Variants in HTT observed in about 807,000 individuals in gnomAD.
HTT encodes the protein huntingtin, also known as huntington disease protein.
In HTT, 104 loss-of-function variants were observed where a neutral mutation model predicts 362.3. The ratio of observed to expected loss-of-function variants is 0.29; its 90% CI spans 0.24 to 0.34. HTT has a LOEUF of 0.34. HTT is among the 10% of genes least tolerant of loss of function. The pLI is 1.00. For missense variants in HTT, 3,301 were observed against 3,928.6 expected (o/e 0.84, Z 4.27); for synonymous variants, 1,577 against 1,548.7 (o/e 1.02, Z -0.43).
rs1384645282 is a variant in HTT at position 3,199,820 on chromosome 4, C to T, written c.5457C>T (p.Asn1819=). ...GTTTCTACACCCTGGACAGCTTGAA[C>T]TTGCGGGCTCGTTCCATGATCACCA... ...GGSFYTLDSL[N]LRARSMITTH... is the part of the protein sequence containing the mutation. The change falls in exon 41 of 67, where the codon AAC becomes AAT. Residue 1819 remains asparagine, a synonymous_variant. Coordinates refer to ENST00000355072, the MANE Select transcript of HTT (RefSeq NM_001388492.1). 1 of 1,614,222 alleles carries T rather than the reference C, an allele frequency of 6.2e-7. No homozygotes were observed. The highest frequency in any genetic ancestry group is 8.5e-7 in the Non-Finnish European group (1 of 1,180,040).
chr4:3,199,960 A>G, intron 41 of HTT, 21 bp downstream of exon 41: 1 of 1,594,686 alleles, frequency 6.3e-7, no homozygotes, highest in East Asian at 2.3e-5. Flanking sequence ...AATGCCCCAC[A>G]GCCCAGGGCG....
chr4:3,096,851 G>T (rs546052553), intron 2 of HTT, among the ~76,000 whole-genome samples: 1 of 152,364 alleles, frequency 6.6e-6, no homozygotes, highest in East Asian at 1.9e-4. Context: ...AGGTACGGTG[G>T]CTTATGCCTG....
At chr4:3,095,890 TA>T (rs1004895370) in intron 2 of HTT, among the ~76,000 whole-genome samples, 28 of 152,234 alleles carry the variant, frequency 1.8e-4, no homozygotes, top group Non-Finnish European at 1.6e-4. Flanking sequence ...GATTTCAACC[TA>T]ACTATGTCAA....
At chr4:3,192,947 C>T (rs904789516) in intron 40 of HTT, among the ~76,000 whole-genome samples, 5 of 152,214 alleles carry the variant, frequency 3.3e-5, no homozygotes, top group Non-Finnish European at 7.3e-5. Flanking sequence ...CCAGTCAGTG[C>T]GTCAGTATCA....
In HTT at chr4:3,240,501, G is replaced by T. The variant is rs946205725; in HGVS notation, c.*442G>T. The T allele has an allele frequency of 2.3e-5, 5 of 216,552 alleles. No homozygotes were observed. Among genetic ancestry groups the T allele is most frequent in the South Asian group, 2.2e-4 (3 of 13,342 alleles). The allele number at this position is 216,552 out of a possible 1,614,324, so 13.4% of individuals were successfully genotyped here. On this transcript the variant is annotated 3_prime_UTR_variant, in exon 67 of 67. Transcript: ENST00000355072. Reference sequence around the variant, plus strand: ...CACTGGCCTGGGTCTCCCTGGTGGGGTGTGCATGCCACGCCCCGTGTCTGG... The same window carrying T: ...CACTGGCCTGGGTCTCCCTGGTGGGTTGTGCATGCCACGCCCCGTGTCTGG...
At chr4:3,142,723 T>C in intron 22 of HTT, 43 bp from the exon 23 acceptor site, 1 of 1,009,610 alleles carries the variant, frequency 9.9e-7, no homozygotes, top group Non-Finnish European at 1.5e-6. Context: ...TAAAAATATA[T>C]GTTTTAATAG....
At chr4:3,239,352 C>A (rs913063269) in intron 66 of HTT, among the ~76,000 whole-genome samples, 1 of 152,204 alleles carries the variant, frequency 6.6e-6, no homozygotes, top group African/African-American at 2.4e-5. Context: ...CATTGTGCCT[C>A]GATCGCCCTC....
chr4:3,233,358 G>T lies in HTT; in HGVS notation c.8456+5G>T. The stretch of plus-strand genomic sequence containing the variant: ...CAACCTGAAAGGGATCGCCCAGTGA[G>T]TGGGAGCCTGGCTGGGGCTGGGGCG... On this transcript the variant is annotated splice_donor_5th_base_variant and intron_variant, in intron 61 of 66. Transcript: ENST00000355072. 1 of 1,589,162 alleles carries T rather than the reference G, an allele frequency of 6.3e-7. No homozygotes were observed. The highest frequency in any genetic ancestry group is 8.6e-7 in the Non-Finnish European group (1 of 1,160,084).
intron 1 of HTT, among the ~76,000 whole-genome samples, chr4:3,079,249 T>TC (rs1278357365): frequency 6.7e-6 from 1 of 148,720 alleles, no homozygotes; most frequent in Non-Finnish European, 1.5e-5. Flanking sequence ...GAAGACAGCT[T>TC]TTTTTTTTTT....
chr4:3,229,335 T>C (rs1436802018), intron 59 of HTT, among the ~76,000 whole-genome samples: 3 of 116,926 alleles, frequency 2.6e-5, no homozygotes, highest in East Asian at 2.9e-4. Flanking sequence ...ACACACCACA[T>C]GCACCACACC....
chr4:3,122,268 C>T (rs185790130), intron 9 of HTT, among the ~76,000 whole-genome samples: 4 of 152,340 alleles, frequency 2.6e-5, no homozygotes, highest in Admixed American at 2.6e-4. Flanking sequence ...AGCTGGATCC[C>T]AGCCTCTACC....
At chr4:3,236,573 G>A (rs548567584) in intron 64 of HTT, among the ~76,000 whole-genome samples, 2 of 152,198 alleles carry the variant, frequency 1.3e-5, no homozygotes, top group African/African-American at 2.4e-5. Flanking sequence ...CTCTGGGAGG[G>A]TGGGGCAGAA....
intron 2 of HTT, among the ~76,000 whole-genome samples, chr4:3,097,369 C>T (rs373750699): frequency 4.6e-5 from 7 of 151,976 alleles, no homozygotes; most frequent in African/African-American, 1.2e-4. Flanking sequence ...TGGTGGTTCA[C>T]GCCTGTAATC....
rs570565498 is a variant in HTT, at chr4:3,225,704, C to T, written c.7809C>T (p.Pro2603=). The part of the protein sequence containing the change: ...SHEKLLLQIN[P]ERELGSMSYK... ...AGAAGCTGCTGCTACAGATCAACCC[C>T]GAGCGGGAGCTGGGGAGCATGAGCT... Residue 2603 remains proline, a synonymous_variant, in exon 57 of 67, where the codon CCC becomes CCT. Transcript: ENST00000355072. 9.5e-5 allele frequency: 154 copies of T among 1,614,098 alleles called. 1 individual carries two copies. Among genetic ancestry groups the T allele is most frequent in the Admixed American group, 1.3e-4 (8 of 60,028 alleles).
intron 5 of HTT, 43 bp downstream of exon 5, chr4:3,105,479 C>A: frequency 8.0e-7 from 1 of 1,244,438 alleles, no homozygotes; most frequent in Non-Finnish European, 1.2e-6. Flanking sequence ...CGGGGGCCAG[C>A]TGCTACTGAT....
intron 5 of HTT, among the ~76,000 whole-genome samples, chr4:3,106,794 T>A (rs933950105): frequency 6.6e-6 from 1 of 152,180 alleles, no homozygotes; most frequent in Non-Finnish European, 1.5e-5. Context: ...AGGGCAGGGC[T>A]GCACCACTCC....
At chr4:3,178,503 T>TC in intron 35 of HTT, 57 bp downstream of exon 35, 1 of 1,508,842 alleles carries the variant, frequency 6.6e-7, no homozygotes, top group Non-Finnish European at 9.1e-7. Context: ...TTGGCAGTGT[T>TC]CGTTTTCATA....
At chr4:3,163,417 G>A (rs1717540191) in intron 29 of HTT, among the ~76,000 whole-genome samples, 2 of 152,186 alleles carry the variant, frequency 1.3e-5, no homozygotes, top group African/African-American at 4.8e-5. Flanking sequence ...CCAGGCTTTG[G>A]TATCAGGATG....
rs1720283168 is a variant in HTT at position 3,214,112 on chromosome 4, G to C, written c.6929G>C (p.Cys2310Ser). ...FVTHACSLIY[C>S]VHFILEAVAV... is the part of the protein sequence containing the mutation. ...ACCCACGCCTGCTCCCTCATCTACT[G>C]TGTGCACTTCATCCTGGAGGCCGGT... is the stretch of plus-strand genomic sequence containing the variant. The change falls in exon 50 of 67, where the codon TGT (cysteine) becomes TCT (serine). Residue 2310 changes from cysteine to serine, a missense_variant. Cys to Ser is a moderately radical substitution (Grantham distance 112). This residue lies in a region of HTT where 220 missense variants were observed against 218.5 expected (regional missense o/e 1.01). Coordinates refer to ENST00000355072, the MANE Select transcript of HTT (RefSeq NM_001388492.1). 1.3e-6 allele frequency: 2 copies of C among 1,548,712 alleles called. No homozygotes were observed. Among genetic ancestry groups the C allele is most frequent in the East Asian group, 2.4e-5 (1 of 41,390 alleles).
Sources: gnomAD v4.1 joint callset for allele counts (sites outside exome capture counted in the v4.1 genomes callset) on GRCh38, gnomAD v4.1.1 for gene constraint, gnomAD v4.1.1 regional missense constraint, MANE v1.5 for transcripts, NCBI Gene and HGNC (gene_info 2026-07-23, HGNC 2026-07-21) for gene names.